Variants in LRP1B observed in about 807,000 individuals in gnomAD.
LRP1B encodes LDL receptor related protein 1B, also known as low-density lipoprotein receptor-related protein 1B.
A neutral mutation model predicts 556.6 loss-of-function variants in LRP1B; 217 were observed. That is an observed-to-expected ratio of 0.39 (90% CI 0.35 to 0.44). LRP1B has a LOEUF of 0.44. Among genes scored for constraint, LRP1B ranks in the 20% least tolerant of loss-of-function variants. The probability of loss-of-function intolerance (pLI) is 1.00; values close to 1 mark genes in which losing one functional copy is unlikely to be tolerated. For missense variants in LRP1B, 5,053 were observed against 5,620.8 expected (o/e 0.90, Z 3.23); for synonymous variants, 2,047 against 1,865.8 (o/e 1.10, Z -2.50).
At chr2:141,702,389 G>A (rs971039145) in intron 2 of LRP1B, among the ~76,000 whole-genome samples, 1 of 151,890 alleles carries the variant, frequency 6.6e-6, no homozygotes, top group Non-Finnish European at 1.5e-5. Context: ...GTTGTCCCCT[G>A]GGGATAGGTC....
rs564301572 is a variant in LRP1B at position 141,291,228 on chromosome 2, C to T, written c.344-36587G>A. Among the ~76,000 whole-genome samples, 3 of 152,124 alleles carry T rather than the reference C, an allele frequency of 2.0e-5. No individual in the cohort carries two copies. The East Asian group carries it at 5.8e-4, about 29-fold the overall frequency. Reference sequence around the variant, plus strand: ...AATTTTATTAGTGTAACTAAAATATCTTACTTTTGTGAGAAAATTGTTTAG... The same window carrying T: ...AATTTTATTAGTGTAACTAAAATATTTTACTTTTGTGAGAAAATTGTTTAG... On this transcript the variant is annotated intron_variant, in intron 3 of 90. Transcript: ENST00000389484.
chr2:140,417,340 A>G (rs2105259284), intron 66 of LRP1B, among the ~76,000 whole-genome samples: 1 of 152,326 alleles, frequency 6.6e-6, no homozygotes, highest in African/African-American at 2.4e-5. Flanking sequence ...GCTGCAGTTG[A>G]AAAGGTGGCA....
chr2:141,040,218 A>C (rs1698656963), intron 11 of LRP1B, among the ~76,000 whole-genome samples: 1 of 152,118 alleles, frequency 6.6e-6, no homozygotes, highest in Non-Finnish European at 1.5e-5. Context: ...TCAGAGTTAA[A>C]GGCAGAAAAA....
intron 2 of LRP1B, among the ~76,000 whole-genome samples, chr2:141,565,173 C>T (rs1686286242): frequency 6.6e-6 from 1 of 151,816 alleles, no homozygotes; most frequent in Admixed American, 6.6e-5. Context: ...CCAAATACAC[C>T]CAATGCTGCA....
intron 56 of LRP1B, among the ~76,000 whole-genome samples, chr2:140,495,081 A>G (rs1688859449): frequency 6.6e-6 from 1 of 152,150 alleles, no homozygotes; most frequent in African/African-American, 2.4e-5. Context: ...AAGTTTAACA[A>G]TATTTGCTGA....
intron 47 of LRP1B, among the ~76,000 whole-genome samples, 163 bp from the exon 48 acceptor site, chr2:140,526,513 A>G (rs1324360526): frequency 6.6e-6 from 1 of 151,724 alleles, no homozygotes; most frequent in African/African-American, 2.4e-5. Flanking sequence ...AGCGTGGGTT[A>G]GATGCCTCTT....
At chr2:140,529,438 G>C (rs1235585059) in intron 47 of LRP1B, among the ~76,000 whole-genome samples, 1 of 115,024 alleles carries the variant, frequency 8.7e-6, no homozygotes, top group Non-Finnish European at 1.8e-5. Context: ...GAAAAGGGGG[G>C]GGGGAAGCAT....
intron 2 of LRP1B, among the ~76,000 whole-genome samples, chr2:141,591,581 G>GTGTGT (rs1687340989): frequency 6.8e-6 from 1 of 148,126 alleles, no homozygotes; most frequent in Non-Finnish European, 1.5e-5. Context: ...ACTGCAGAGT[G>GTGTGT]GTGTGTGTGT....
chr2:140,803,745 A>G (rs1690607689), intron 32 of LRP1B, among the ~76,000 whole-genome samples: 1 of 152,156 alleles, frequency 6.6e-6, no homozygotes, highest in Admixed American at 6.6e-5. Context: ...ATCATAGTTT[A>G]CAAATTGTAG....
intron 2 of LRP1B, among the ~76,000 whole-genome samples, chr2:141,497,164 T>A (rs1043261469): frequency 1.3e-5 from 2 of 151,974 alleles, no homozygotes; most frequent in Non-Finnish European, 2.9e-5. Context: ...CACACAGACA[T>A]CCCCCAATTT....
chr2:140,517,709 CTTTTTT>C (rs372100986), intron 49 of LRP1B, among the ~76,000 whole-genome samples: 1 of 125,442 alleles, frequency 8.0e-6, no homozygotes, highest in Non-Finnish European at 1.6e-5. Flanking sequence ...TTTATCTTTC[CTTTTTT>C]TTTTTTTTTT....
At chr2:141,683,105 T>C (rs1250290659) in intron 2 of LRP1B, among the ~76,000 whole-genome samples, 1 of 152,066 alleles carries the variant, frequency 6.6e-6, no homozygotes, top group Non-Finnish European at 1.5e-5. Flanking sequence ...CACTGATACT[T>C]TGAGTGTAAG....
At chr2:141,079,732 G>A (rs1699878635) in intron 7 of LRP1B, among the ~76,000 whole-genome samples, 1 of 152,080 alleles carries the variant, frequency 6.6e-6, no homozygotes, top group South Asian at 2.1e-4. Context: ...ACTGGATTCA[G>A]GAAAATTAAT....
intron 2 of LRP1B, among the ~76,000 whole-genome samples, chr2:141,759,759 T>C (rs1694462851): frequency 6.6e-6 from 1 of 152,112 alleles, no homozygotes; most frequent in African/African-American, 2.4e-5. Context: ...GAGACTACAA[T>C]TGAGAAAGAT....
chr2:140,407,708 G>T (rs1244097211), intron 66 of LRP1B, among the ~76,000 whole-genome samples: 1 of 151,988 alleles, frequency 6.6e-6, no homozygotes, highest in Non-Finnish European at 1.5e-5. Context: ...GGTGAAAAGA[G>T]AACACTTTTG....
intron 1 of LRP1B, among the ~76,000 whole-genome samples, chr2:142,038,929 A>T (rs923732659): frequency 2.0e-5 from 3 of 151,344 alleles, no homozygotes; most frequent in African/African-American, 7.3e-5. Flanking sequence ...CAATCATTGT[A>T]TTTTCCTTGC....
chr2:141,753,693 T>C (rs939469126), intron 2 of LRP1B, among the ~76,000 whole-genome samples: 1 of 152,178 alleles, frequency 6.6e-6, no homozygotes, highest in Non-Finnish European at 1.5e-5. Flanking sequence ...ACCTCTCCAA[T>C]GACTTTCCAC....
intron 45 of LRP1B, among the ~76,000 whole-genome samples, chr2:140,538,421 TTA>T (rs1185677976): frequency 2.0e-5 from 3 of 152,276 alleles, no homozygotes; most frequent in South Asian, 4.1e-4. Flanking sequence ...GTTGCCATCT[TTA>T]TGTCCATGAG....
At chr2:140,934,830 C>A (rs1695156768) in intron 20 of LRP1B, among the ~76,000 whole-genome samples, 1 of 152,226 alleles carries the variant, frequency 6.6e-6, no homozygotes, top group African/African-American at 2.4e-5. Flanking sequence ...GAGCCAGTGC[C>A]CTCTTACTTT....
Sources: allele counts gnomAD v4.1 joint callset (sites outside exome capture counted in the v4.1 genomes callset), GRCh38; gene constraint gnomAD v4.1.1; transcripts MANE v1.5; gene names NCBI Gene and HGNC (gene_info 2026-07-23, HGNC 2026-07-21).